Variants in DGKB observed in about 807,000 individuals in gnomAD.
DGKB encodes the protein diacylglycerol kinase beta, also known as 90 kDa diacylglycerol kinase.
A neutral mutation model predicts 114.3 loss-of-function variants in DGKB; 67 were observed. That is an observed-to-expected ratio of 0.59 (90% CI 0.48 to 0.72). The LOEUF is 0.72. Ranked by LOEUF, DGKB falls within the 30% of genes least tolerant of loss-of-function variation. The pLI is 0.00. For synonymous variants in DGKB, 398 were observed against 323.1 expected, an observed-to-expected ratio of 1.23 and a Z score of -2.49; for missense variants, 907 against 975.2, an observed-to-expected ratio of 0.93 and a Z score of 0.93.
chr7:14,953,954 C>T (rs1218588499), intron 1 of DGKB, among the ~76,000 whole-genome samples: 2 of 152,048 alleles, frequency 1.3e-5, no homozygotes, highest in Admixed American at 6.6e-5. Context: ...AAATTCTGAG[C>T]CTTTCCCACC....
chr7:14,487,065 T>C (rs1279782402), intron 20 of DGKB, among the ~76,000 whole-genome samples: 1 of 152,192 alleles, frequency 6.6e-6, no homozygotes, highest in Admixed American at 6.5e-5. Context: ...AAGTAACACA[T>C]GCCACGTACC....
At chr7:14,640,604 T>C (rs190937603) in intron 13 of DGKB, among the ~76,000 whole-genome samples, 89 of 152,236 alleles carry the variant, frequency 5.8e-4, no homozygotes, top group African/African-American at 2.0e-3. Flanking sequence ...CTATCCTTAT[T>C]CCACATAAAG....
At chr7:14,947,435 TC>T (rs1785945061) in intron 1 of DGKB, among the ~76,000 whole-genome samples, 1 of 151,724 alleles carries the variant, frequency 6.6e-6, no homozygotes, top group Non-Finnish European at 1.5e-5. Flanking sequence ...TATTCTTCAA[TC>T]CTTAATTTTT....
chr7:14,862,493 A>T (rs761075746), intron 1 of DGKB, among the ~76,000 whole-genome samples: 1 of 152,074 alleles, frequency 6.6e-6, no homozygotes, highest in Non-Finnish European at 1.5e-5. Context: ...GTGAGGTATT[A>T]TAATAATATT....
intron 1 of DGKB, among the ~76,000 whole-genome samples, chr7:14,925,740 A>G (rs1320087674): frequency 2.6e-5 from 4 of 152,038 alleles, no homozygotes; most frequent in Non-Finnish European, 5.9e-5. Flanking sequence ...TTATATTTTG[A>G]TCTTACATCC....
intron 21 of DGKB, among the ~76,000 whole-genome samples, chr7:14,371,124 G>A (rs564084232): frequency 6.6e-6 from 1 of 152,102 alleles, no homozygotes; most frequent in African/African-American, 2.4e-5. Context: ...GTGCTACAAC[G>A]AACATATGAG....
At chr7:14,196,293 CAAAG>C (rs1198739934) in intron 23 of DGKB, among the ~76,000 whole-genome samples, 7 of 152,044 alleles carry the variant, frequency 4.6e-5, no homozygotes, top group Non-Finnish European at 8.8e-5. Context: ...ACTCATGCCT[CAAAG>C]AAAGAATTAT....
At chr7:14,886,157 A>T (rs1011048671) in intron 1 of DGKB, among the ~76,000 whole-genome samples, 4 of 151,926 alleles carry the variant, frequency 2.6e-5, no homozygotes, top group African/African-American at 9.7e-5. Context: ...AGAAATTGAA[A>T]GAAAAGGACA....
intron 25 of DGKB, among the ~76,000 whole-genome samples, chr7:14,175,818 TGGGGGGGATGG>T (rs1554274426): frequency 6.6e-6 from 1 of 151,896 alleles, no homozygotes; most frequent in Non-Finnish European, 1.5e-5. Flanking sequence ...GTCTTTTTTT[TGGGGGGGATGG>T]AATTTCACTC....
intron 23 of DGKB, among the ~76,000 whole-genome samples, chr7:14,314,394 G>A (rs898967154): frequency 4.0e-5 from 6 of 150,544 alleles, no homozygotes; most frequent in Non-Finnish European, 7.5e-5. Context: ...AAAAAATTTA[G>A]AAGAATGTAT....
intron 5 of DGKB, among the ~76,000 whole-genome samples, chr7:14,729,301 T>G (rs1830547284): frequency 6.6e-6 from 1 of 150,684 alleles, no homozygotes; most frequent in Admixed American, 6.6e-5. Context: ...TTTTTGTATT[T>G]TTAGTAGAGA....
chr7:14,890,274 C>T (rs1416020633), intron 1 of DGKB, among the ~76,000 whole-genome samples: 2 of 151,456 alleles, frequency 1.3e-5, no homozygotes, highest in African/African-American at 2.4e-5. Flanking sequence ...AAAGTTATTC[C>T]AGGGACAATC....
intron 1 of DGKB, among the ~76,000 whole-genome samples, chr7:14,919,458 G>T (rs764871115): frequency 6.6e-6 from 1 of 152,150 alleles, no homozygotes; most frequent in African/African-American, 2.4e-5. Flanking sequence ...AACCTATACA[G>T]AGACCTTACA....
At chr7:14,222,359 G>A (rs912163731) in intron 23 of DGKB, among the ~76,000 whole-genome samples, 6 of 150,764 alleles carry the variant, frequency 4.0e-5, no homozygotes, top group African/African-American at 7.3e-5. Context: ...TCATCTTAAG[G>A]TGCTTTCTAA....
chr7:14,458,664 G>A (rs1832647544), intron 21 of DGKB, among the ~76,000 whole-genome samples: 1 of 152,110 alleles, frequency 6.6e-6, no homozygotes, highest in Non-Finnish European at 1.5e-5. Flanking sequence ...GGTGCATCCC[G>A]GCCCAGATAC....
intron 25 of DGKB, among the ~76,000 whole-genome samples, chr7:14,165,516 G>C (rs1359582844): frequency 6.6e-6 from 1 of 152,014 alleles, no homozygotes; most frequent in Non-Finnish European, 1.5e-5. Flanking sequence ...TTATATTTAG[G>C]CTTTAGTAGC....
intron 1 of DGKB, among the ~76,000 whole-genome samples, chr7:14,853,567 A>T: frequency 6.6e-6 from 1 of 151,978 alleles, no homozygotes; most frequent in Non-Finnish European, 1.5e-5. Flanking sequence ...AAATATAATT[A>T]TTCTTTAAAA....
At chr7:14,312,755 C>T (rs1298197869) in intron 23 of DGKB, among the ~76,000 whole-genome samples, 3 of 152,082 alleles carry the variant, frequency 2.0e-5, no homozygotes, top group Non-Finnish European at 4.4e-5. Context: ...CAGATATTTT[C>T]TTAAAAATGG....
chr7:14,666,225 A>G (rs901243685), intron 13 of DGKB, among the ~76,000 whole-genome samples: 1 of 151,984 alleles, frequency 6.6e-6, no homozygotes, highest in African/African-American at 2.4e-5. Flanking sequence ...CATTTCCAAC[A>G]TATCTTTTTT....
Sources: allele counts gnomAD v4.1 joint callset (sites outside exome capture counted in the v4.1 genomes callset), GRCh38; gene constraint gnomAD v4.1.1; transcripts MANE v1.5; gene names NCBI Gene and HGNC (gene_info 2026-07-23, HGNC 2026-07-21).